Variants in GPR158 observed in about 807,000 individuals in gnomAD.
GPR158 encodes metabotropic glycine receptor.
A neutral mutation model predicts 78.2 loss-of-function variants in GPR158; 30 were observed. The observed-to-expected ratio is 0.38, with a 90% CI of 0.29 to 0.52. The LOEUF is 0.52. Among genes scored for constraint, GPR158 ranks in the 20% least tolerant of loss-of-function variants. The pLI is 0.83. For synonymous variants in GPR158, 581 were observed against 591.1 expected (o/e 0.98, Z 0.25); for missense variants, 1,463 against 1,523.5 (o/e 0.96, Z 0.66).
At chr10:25,342,968 G>A (rs1174244793) in intron 2 of GPR158, among the ~76,000 whole-genome samples, 2 of 151,696 alleles carry the variant, frequency 1.3e-5, no homozygotes, top group Non-Finnish European at 2.9e-5. Context: ...GGAAAGAGTT[G>A]CATCTTCTTA....
At chr10:25,404,434 G>A (rs1296224912) in intron 3 of GPR158, among the ~76,000 whole-genome samples, 1 of 152,054 alleles carries the variant, frequency 6.6e-6, no homozygotes, top group Admixed American at 6.6e-5. Context: ...TTTCCAACAA[G>A]TTGCCTTTTA....
intron 1 of GPR158, among the ~76,000 whole-genome samples, chr10:25,216,438 T>G (rs937216071): frequency 7.9e-5 from 12 of 152,078 alleles, no homozygotes; most frequent in African/African-American, 2.9e-4. Flanking sequence ...CCATAGCAGT[T>G]TATGATACTT....
At chr10:25,397,984 TGA>T (rs1286035294) in intron 3 of GPR158, among the ~76,000 whole-genome samples, 2 of 152,178 alleles carry the variant, frequency 1.3e-5, no homozygotes, top group Non-Finnish European at 2.9e-5. Context: ...GGTTGGGGCT[TGA>T]GAGCAGCCTC....
chr10:25,514,023 T>A (rs183130571), intron 5 of GPR158, among the ~76,000 whole-genome samples: 150 of 152,306 alleles, frequency 9.8e-4, no homozygotes, highest in African/African-American at 3.3e-3. Flanking sequence ...TCTAAACATA[T>A]CTGTTAAGTC....
chr10:25,409,039 T>C (rs1564447247), intron 3 of GPR158, among the ~76,000 whole-genome samples: 2 of 152,220 alleles, frequency 1.3e-5, no homozygotes, highest in African/African-American at 2.4e-5. Flanking sequence ...TTTATCTCCA[T>C]GATTGACTCA....
chr10:25,342,792 TC>T (rs1464142906), intron 2 of GPR158, among the ~76,000 whole-genome samples: 1 of 150,264 alleles, frequency 6.7e-6, no homozygotes, highest in Non-Finnish European at 1.5e-5. Flanking sequence ...TTTTTTTTTC[TC>T]AAATAACTCA....
At chr10:25,341,261 G>T (rs901637836) in intron 2 of GPR158, among the ~76,000 whole-genome samples, 3 of 151,874 alleles carry the variant, frequency 2.0e-5, no homozygotes, top group African/African-American at 7.3e-5. Context: ...GAATGAAGGG[G>T]AATACAAATA....
intron 3 of GPR158, among the ~76,000 whole-genome samples, chr10:25,398,407 CAT>C (rs1462598061): frequency 2.0e-5 from 3 of 152,128 alleles, no homozygotes; most frequent in African/African-American, 7.2e-5. Flanking sequence ...CCAGACATAA[CAT>C]ATGATTCAAC....
intron 2 of GPR158, among the ~76,000 whole-genome samples, chr10:25,364,024 T>C (rs1006603957): frequency 1.3e-5 from 2 of 151,948 alleles, no homozygotes; most frequent in African/African-American, 4.8e-5. Flanking sequence ...GTAAAGTGCT[T>C]AAAATAATGC....
intron 5 of GPR158, among the ~76,000 whole-genome samples, chr10:25,498,781 G>A (rs1015584867): frequency 6.6e-6 from 1 of 152,182 alleles, no homozygotes; most frequent in Non-Finnish European, 1.5e-5. Flanking sequence ...GAGGTGAATA[G>A]GGTTGCTCGC....
At chr10:25,501,160 GAA>G (rs936048092) in intron 5 of GPR158, among the ~76,000 whole-genome samples, 3 of 152,150 alleles carry the variant, frequency 2.0e-5, no homozygotes, top group African/African-American at 7.2e-5. Flanking sequence ...GCACAGAATA[GAA>G]AAAGTCAAAG....
At chr10:25,591,940 A>ATTGCTTTCTC (rs1837346306) in intron 8 of GPR158, among the ~76,000 whole-genome samples, 1 of 152,018 alleles carries the variant, frequency 6.6e-6, no homozygotes, top group African/African-American at 2.4e-5. Context: ...GCAATAATAA[A>ATTGCTTTCTC]CCAATCAAGT....
At chr10:25,420,433 A>C (rs1420777559) in intron 4 of GPR158, among the ~76,000 whole-genome samples, 1 of 152,182 alleles carries the variant, frequency 6.6e-6, no homozygotes, top group Non-Finnish European at 1.5e-5. Context: ...GATTACCAGC[A>C]TGAGCCACCT....
intron 4 of GPR158, among the ~76,000 whole-genome samples, chr10:25,451,902 C>G (rs1835222599): frequency 6.6e-6 from 1 of 152,134 alleles, no homozygotes; most frequent in African/African-American, 2.4e-5. Flanking sequence ...GAAAAATTCC[C>G]TTGAATGGAT....
At chr10:25,273,396 G>T in intron 2 of GPR158, among the ~76,000 whole-genome samples, 1 of 136,698 alleles carries the variant, frequency 7.3e-6, no homozygotes. Flanking sequence ...TAACACATTG[G>T]CATCTTTTTT....
intron 10 of GPR158, 135 bp from the exon 11 acceptor site, chr10:25,597,637 A>C: frequency 3.6e-6 from 2 of 548,046 alleles, no homozygotes; most frequent in Non-Finnish European, 6.1e-6. Flanking sequence ...CGACAAGTAC[A>C]TATGTCAGAG....
chr10:25,400,635 A>G (rs1165656420), intron 3 of GPR158, among the ~76,000 whole-genome samples: 1 of 152,192 alleles, frequency 6.6e-6, no homozygotes, highest in Non-Finnish European at 1.5e-5. Flanking sequence ...GTCTCTTCAA[A>G]TCCAGGTTGT....
chr10:25,519,708 C>G (rs1265829509), intron 5 of GPR158, among the ~76,000 whole-genome samples: 1 of 129,388 alleles, frequency 7.7e-6, no homozygotes, highest in Non-Finnish European at 1.6e-5. Flanking sequence ...GGCCCCCACT[C>G]TCTTCTGGCT....
At chr10:25,220,982 C>T in intron 1 of GPR158, 70 bp from the exon 2 acceptor site, 1 of 931,874 alleles carries the variant, frequency 1.1e-6, no homozygotes, top group East Asian at 2.5e-5. Context: ...TTTCTAATTT[C>T]AAGCTTAAAA....
Sources: gnomAD v4.1 joint callset for allele counts (sites outside exome capture counted in the v4.1 genomes callset) on GRCh38, gnomAD v4.1.1 for gene constraint, MANE v1.5 for transcripts, NCBI Gene and HGNC (gene_info 2026-07-23, HGNC 2026-07-21) for gene names.